EXOC2: variants seen among roughly 807,000 people sequenced by gnomAD.
EXOC2 encodes the protein exocyst complex component 2.
Under a neutral mutation model 131.8 loss-of-function variants are expected in EXOC2, and 70 were observed. The ratio of observed to expected loss-of-function variants is 0.53; its 90% CI spans 0.44 to 0.65. The LOEUF (loss-of-function observed/expected upper bound fraction) is 0.65, where lower values mean the gene tolerates loss of function less well. Among genes scored for constraint, EXOC2 ranks in the 30% least tolerant of loss-of-function variants. EXOC2 has a pLI of 0.00. For synonymous variants in EXOC2, 411 were observed against 398.4 expected, an observed-to-expected ratio of 1.03 and a Z score of -0.38; for missense variants, 923 against 1,108.6, an observed-to-expected ratio of 0.83 and a Z score of 2.38.
intron 7 of EXOC2, among the ~76,000 whole-genome samples, chr6:603,586 T>C (rs1361709053): frequency 1.3e-5 from 2 of 152,140 alleles, no homozygotes; most frequent in South Asian, 2.1e-4. Context: ...GAAATGCTAA[T>C]ATTAGGTTAA....
chr6:612,124 G>A (rs938442064), intron 6 of EXOC2, among the ~76,000 whole-genome samples: 12 of 152,228 alleles, frequency 7.9e-5, no homozygotes, highest in African/African-American at 2.9e-4. Flanking sequence ...CTATGTTAAT[G>A]CTAGCCTGTG....
At chr6:656,819 G>A in intron 1 of EXOC2, 8 of 1,609,516 alleles carry the variant, frequency 5.0e-6, no homozygotes, top group African/African-American at 1.3e-5. Flanking sequence ...AACCCGCGGG[G>A]CCGAAGCACA....
chr6:561,649 G>A (rs1459829979), intron 17 of EXOC2, among the ~76,000 whole-genome samples: 1 of 152,020 alleles, frequency 6.6e-6, no homozygotes, highest in Non-Finnish European at 1.5e-5. Context: ...ACAGTGGCGC[G>A]ATCTCGGCTC....
At chr6:691,509 A>T (rs1337409310) in intron 1 of EXOC2, among the ~76,000 whole-genome samples, 4 of 152,210 alleles carry the variant, frequency 2.6e-5, no homozygotes, top group African/African-American at 9.7e-5. Context: ...AAGAGTAAAT[A>T]CATTTGTTGT....
intron 7 of EXOC2, among the ~76,000 whole-genome samples, chr6:608,359 G>A (rs1473962127): frequency 6.6e-6 from 1 of 152,172 alleles, no homozygotes; most frequent in Non-Finnish European, 1.5e-5. Context: ...CATATCCTAA[G>A]ACAGCAATCA....
chr6:574,953 A>G (rs1758496552), intron 12 of EXOC2, among the ~76,000 whole-genome samples: 1 of 152,264 alleles, frequency 6.6e-6, no homozygotes, highest in Non-Finnish European at 1.5e-5. Context: ...AGCTGCGTCA[A>G]GGGTCCAATG....
chr6:655,155 C>T (rs1330385794), intron 1 of EXOC2, among the ~76,000 whole-genome samples: 1 of 152,190 alleles, frequency 6.6e-6, no homozygotes, highest in Non-Finnish European at 1.5e-5. Flanking sequence ...AAGTTAACTA[C>T]TTTATTTTAA....
At chr6:494,772 A>T (rs1159578600) in intron 25 of EXOC2, among the ~76,000 whole-genome samples, 1 of 152,144 alleles carries the variant, frequency 6.6e-6, no homozygotes, top group East Asian at 1.9e-4. Flanking sequence ...TCAGTAATTT[A>T]TTCTCTTTAA....
At chr6:544,786 A>G (rs1326628297) in intron 22 of EXOC2, among the ~76,000 whole-genome samples, 2 of 152,208 alleles carry the variant, frequency 1.3e-5, no homozygotes, top group Non-Finnish European at 2.9e-5. Flanking sequence ...CCCTGGACAT[A>G]TAAGAAAAAG....
intron 13 of EXOC2, 142 bp from the exon 14 acceptor site, chr6:565,071 G>A: frequency 1.7e-6 from 1 of 591,702 alleles, no homozygotes; most frequent in African/African-American, 1.9e-5. Flanking sequence ...CTATGTTTCT[G>A]ATTAAAGAAT....
At chr6:491,348 G>A (rs534348079) in intron 25 of EXOC2, among the ~76,000 whole-genome samples, 162 bp from the exon 26 acceptor site, 2 of 152,360 alleles carry the variant, frequency 1.3e-5, no homozygotes, top group African/African-American at 2.4e-5. Flanking sequence ...AAAACAGTCC[G>A]AAGAAATTTG....
intron 23 of EXOC2, among the ~76,000 whole-genome samples, chr6:500,705 C>G (rs1272954681): frequency 6.6e-6 from 1 of 152,076 alleles, no homozygotes; most frequent in Non-Finnish European, 1.5e-5. Context: ...ATTCCAGATG[C>G]CTTCTAGAGC....
chr6:666,348 C>T (rs1380056793), intron 1 of EXOC2, among the ~76,000 whole-genome samples: 3 of 152,208 alleles, frequency 2.0e-5, no homozygotes, highest in Non-Finnish European at 4.4e-5. Context: ...ATCTTCACCA[C>T]GGCAGTCATA....
chr6:615,182 G>GTGTGTGTGTGT lies in EXOC2; in HGVS notation c.661+2528_661+2529insACACACACACA, dbSNP rs1561927678. On this transcript the variant is annotated intron_variant, in intron 6 of 27. Transcript: ENST00000230449. ...GGTTTGAAAAGTATATGTGGGTGTG[G>GTGTGTGTGTGT]GTGTGTGTGTGTGTGTGTGTGTGTG... Among the ~76,000 whole-genome samples, 38 of 121,106 alleles carry GTGTGTGTGTGT rather than the reference G, an allele frequency of 3.1e-4. 2 individuals are homozygous for GTGTGTGTGTGT. The highest frequency in any genetic ancestry group is 3.1e-3 in the South Asian group (12 of 3,910). 79.5% of individuals were successfully genotyped at this position (121,106 alleles called of 152,430 possible). A position where few individuals can be genotyped will look rare whatever the true frequency, so the allele number is the denominator to read the frequency against.
intron 21 of EXOC2, 55 bp from the exon 22 acceptor site, chr6:549,346 C>G: frequency 2.4e-6 from 3 of 1,237,144 alleles, no homozygotes; most frequent in Non-Finnish European, 3.5e-6. Context: ...GAGAGAATAG[C>G]TGATTAACAC....
At position 619,532 on chromosome 6, in the gene EXOC2, G is replaced by A. The variant is rs376537041; in HGVS notation, c.434C>T (p.Ser145Leu). The A allele has an allele frequency of 7.7e-5, 124 of 1,612,782 alleles. 2 individuals are homozygous for A. The South Asian group carries it at 8.8e-4, about 11-fold the overall frequency. ...GAATAGCATTTCTAAGTCCTTCTGC[G>A]AAAATTTACTTCTGAGGGGAAAAAA... is the stretch of plus-strand genomic sequence containing the variant. ...LGIEIEKSKF[S>L]QKDLEMLFHG... The change falls in exon 5 of 28, where the codon TCG (serine) becomes TTG (leucine). Residue 145 changes from serine (S) to leucine (L), a missense_variant. By Grantham distance (145) the Ser-to-Leu change is moderately radical (BLOSUM62 -2). Coordinates refer to ENST00000230449, the MANE Select transcript of EXOC2 (RefSeq NM_018303.6).
intron 12 of EXOC2, 27 bp downstream of exon 12, chr6:576,730 C>A: frequency 6.2e-7 from 1 of 1,607,666 alleles, no homozygotes; most frequent in Non-Finnish European, 8.5e-7. Context: ...TTTAAAAGAC[C>A]CAGTGGCAGT....
intron 11 of EXOC2, among the ~76,000 whole-genome samples, chr6:581,303 A>C (rs199582662): frequency 0.12 from 18,171 of 151,754 alleles, 1,254 homozygotes; most frequent in Middle Eastern, 0.16. Context: ...CTCAAAAAAA[A>C]AAAAAAAAAG....
intron 1 of EXOC2, chr6:656,090 T>A (rs372073009): frequency 1.3e-6 from 2 of 1,556,542 alleles, no homozygotes. Flanking sequence ...AAAAAAAAAA[T>A]CTAAGCTGGC....
Sources: allele counts gnomAD v4.1 joint callset (sites outside exome capture counted in the v4.1 genomes callset), GRCh38; gene constraint gnomAD v4.1.1; transcripts MANE v1.5; gene names NCBI Gene and HGNC (gene_info 2026-07-23, HGNC 2026-07-21).